BOD1L1: variants seen among roughly 807,000 people sequenced by gnomAD.
BOD1L1 encodes the protein biorientation of chromosomes in cell division 1 like 1, also known as biorientation of chromosomes in cell division protein 1-like 1.
A neutral mutation model predicts 240.7 loss-of-function variants in BOD1L1; 86 were observed. That is an observed-to-expected ratio of 0.36 (90% confidence interval 0.30 to 0.43). The LOEUF (loss-of-function observed/expected upper bound fraction) is 0.43, where lower values mean the gene tolerates loss of function less well. BOD1L1 is among the 20% of genes least tolerant of loss of function. BOD1L1 has a pLI of 1.00. For missense variants in BOD1L1, 3,554 were observed against 3,643.5 expected, an observed-to-expected ratio of 0.98 and a Z score of 0.63; for synonymous variants, 1,268 against 1,272.3, an observed-to-expected ratio of 1.00 and a Z score of 0.07.
intron 25 of BOD1L1, among the ~76,000 whole-genome samples, chr4:13,573,178 G>C (rs941196468): frequency 6.6e-6 from 1 of 152,092 alleles, no homozygotes; most frequent in Non-Finnish European, 1.5e-5. Context: ...CAAGATTAAC[G>C]AAAGTACAAT....
chr4:13,583,414 G>C (rs1713394755), intron 17 of BOD1L1, among the ~76,000 whole-genome samples: 1 of 152,018 alleles, frequency 6.6e-6, no homozygotes, highest in African/African-American at 2.4e-5. Flanking sequence ...TTTTTTAATA[G>C]AAATATATTC....
intron 17 of BOD1L1, among the ~76,000 whole-genome samples, chr4:13,585,772 C>G (rs1425220537): frequency 2.0e-5 from 3 of 152,090 alleles, no homozygotes; most frequent in Non-Finnish European, 4.4e-5. Context: ...GTGCTGTTCT[C>G]CTGACAGTGA....
At chr4:13,572,640 T>A in intron 25 of BOD1L1, 4 of 1,231,218 alleles carry the variant, frequency 3.2e-6, no homozygotes, top group Non-Finnish European at 4.2e-6. Flanking sequence ...GAAGAAAGCA[T>A]TATTGTACCA....
chr4:13,601,552 T>A lies in BOD1L1; in HGVS notation c.5348A>T (p.Asp1783Val), dbSNP rs1014171423. 1 of 1,614,032 alleles carries A rather than the reference T, an allele frequency of 6.2e-7. No individual in the cohort carries two copies. Among genetic ancestry groups the A allele is most frequent in the African/African-American group, 1.3e-5 (1 of 75,048 alleles). Residue 1783 changes from aspartate to valine, a missense_variant, in exon 10 of 26, where the codon GAT (aspartate) becomes GTT (valine). Transcript: ENST00000040738. ...GACTGCACTCTCACCTTCTGTACCA[T>A]CATTCACAGAACCATCTCCTTCTTG... is the stretch of plus-strand genomic sequence containing the variant. ...ASQEGDGSVN[D>V]GTEGESAVTS... is the part of the protein sequence containing the mutation.
intron 14 of BOD1L1, 142 bp downstream of exon 14, chr4:13,590,244 T>C: frequency 2.1e-6 from 1 of 471,448 alleles, no homozygotes; most frequent in Non-Finnish European, 3.8e-6. Flanking sequence ...CCTGATGCTG[T>C]TAACTATCAC....
At chr4:13,576,805 A>C (rs1560178140) in intron 25 of BOD1L1, 33 bp downstream of exon 25, 5 of 1,578,068 alleles carry the variant, frequency 3.2e-6, no homozygotes, top group Non-Finnish European at 4.3e-6. Flanking sequence ...AAGCTGGTGA[A>C]GGTCTCTGGC....
chr4:13,587,773 T>A lies in BOD1L1; in HGVS notation c.8281-2A>T. The A allele has an allele frequency of 6.5e-7, 1 of 1,547,484 alleles. No homozygotes were observed. Among genetic ancestry groups the A allele is most frequent in the South Asian group, 1.2e-5 (1 of 84,164 alleles). On this transcript the variant is annotated splice_acceptor_variant, in intron 15 of 25. Coordinates refer to ENST00000040738, the MANE Select transcript of BOD1L1 (RefSeq NM_148894.3). LOFTEE classifies it high-confidence loss of function. ...CATATGCCTTTCTTCCTCTTCAACCTGGAATTAAGAATGACTATATCAAAG... is the reference window on the plus strand; with the variant it reads ...CATATGCCTTTCTTCCTCTTCAACCAGGAATTAAGAATGACTATATCAAAG...
chr4:13,588,006 A>G (rs1227711365), intron 15 of BOD1L1, among the ~76,000 whole-genome samples: 1 of 152,158 alleles, frequency 6.6e-6, no homozygotes, highest in Non-Finnish European at 1.5e-5. Context: ...TAACACGGTG[A>G]AACCCCGTCT....
chr4:13,589,636 T>A (rs1048792147), intron 14 of BOD1L1, among the ~76,000 whole-genome samples: 4 of 151,890 alleles, frequency 2.6e-5, no homozygotes, highest in African/African-American at 9.7e-5. Context: ...CCTTTTGGAG[T>A]GGGATTAAAA....
At chr4:13,605,224 G>T in intron 9 of BOD1L1, 140 bp from the exon 10 acceptor site, 1 of 680,596 alleles carries the variant, frequency 1.5e-6, no homozygotes, top group Non-Finnish European at 2.1e-6. Flanking sequence ...AGCCTGTGTA[G>T]GTGTCAAAAA....
At chr4:13,590,926 G>A (rs936919682) in intron 13 of BOD1L1, among the ~76,000 whole-genome samples, 2 of 152,010 alleles carry the variant, frequency 1.3e-5, no homozygotes, top group South Asian at 4.1e-4. Context: ...GCACAAATTT[G>A]GAAAGGACAT....
chr4:13,592,147 A>G (rs1008254974), intron 12 of BOD1L1, 181 bp from the exon 13 acceptor site: 4 of 520,658 alleles, frequency 7.7e-6, no homozygotes, highest in Non-Finnish European at 1.4e-5. Flanking sequence ...TTGTACTACC[A>G]GAATATACTA....
Position 13,599,286 on chromosome 4 carries a change from G to A in BOD1L1, c.7614C>T (p.Asp2538=), listed in dbSNP as rs140862590. 90 of 1,613,772 alleles carry A rather than the reference G, an allele frequency of 5.6e-5. No individual in the cohort carries two copies. The East Asian group carries it at 1.9e-3, about 34-fold the overall frequency. The change falls in exon 10 of 26, where the codon GAC becomes GAT. Residue 2538 remains aspartate, a synonymous_variant. Transcript: ENST00000040738. The stretch of plus-strand genomic sequence containing the variant: ...CCACGGTCCCTTGAACAGGTGGCAT[G>A]TCATCAGCTTTTATAGCACCGGTGT... ...AVNTGAIKAD[D]MPPVQGTVAE...
chr4:13,612,816 G>A (rs1310233658), intron 5 of BOD1L1, among the ~76,000 whole-genome samples: 1 of 152,110 alleles, frequency 6.6e-6, no homozygotes, highest in Non-Finnish European at 1.5e-5. Context: ...TCTAGAGGGG[G>A]TAGAGACTGA....
At chr4:13,585,453 A>C (rs1577322876) in intron 17 of BOD1L1, among the ~76,000 whole-genome samples, 1 of 152,150 alleles carries the variant, frequency 6.6e-6, no homozygotes, top group African/African-American at 2.4e-5. Flanking sequence ...GAGTCTCAGA[A>C]ATGGAAGAAC....
At position 13,569,800 on chromosome 4, in the gene BOD1L1, T is replaced by C. The variant is rs1014538168; in HGVS notation, c.*211A>G. The C allele has an allele frequency of 2.8e-6, 1 of 358,532 alleles. No homozygotes were observed. Among genetic ancestry groups the C allele is most frequent in the East Asian group, 4.3e-5 (1 of 23,176 alleles). The allele number at this position is 358,532 out of a possible 1,614,324, so 22.2% of individuals were successfully genotyped here. A position where few individuals can be genotyped will look rare whatever the true frequency, so the allele number is the denominator to read the frequency against. ...TGAGTTCAGATACAAAGTAAACTTA[T>C]TGTCCTTTATCTGAAATAAATGTAC... On this transcript the variant is annotated 3_prime_UTR_variant, in exon 26 of 26. Transcript: ENST00000040738.
At chr4:13,570,228 C>A in intron 25 of BOD1L1, 100 bp from the exon 26 acceptor site, 1 of 815,548 alleles carries the variant, frequency 1.2e-6, no homozygotes, top group East Asian at 3.3e-5. Flanking sequence ...AACTTGACAG[C>A]TAAGAAGAGA....
intron 6 of BOD1L1, 89 bp downstream of exon 6, chr4:13,610,845 T>G: frequency 1.8e-6 from 2 of 1,123,558 alleles, no homozygotes; most frequent in Middle Eastern, 2.3e-4. Context: ...TGTCTCTGCT[T>G]CATATGCACA....
At chr4:13,621,628 C>G (rs992888790) in intron 1 of BOD1L1, among the ~76,000 whole-genome samples, 2 of 152,208 alleles carry the variant, frequency 1.3e-5, no homozygotes, top group Non-Finnish European at 2.9e-5. Context: ...TCCTCTATCT[C>G]TCTTACAATT....
Sources: gnomAD v4.1 joint callset for allele counts (sites outside exome capture counted in the v4.1 genomes callset) on GRCh38, gnomAD v4.1.1 for gene constraint, MANE v1.5 for transcripts, NCBI Gene and HGNC (gene_info 2026-07-23, HGNC 2026-07-21) for gene names.